The following KIN variants were observed in gnomAD, a reference collection of about 807,000 sequenced individuals.
KIN encodes the protein Kin17 DNA and RNA binding protein.
In KIN, 47 loss-of-function variants were observed where a neutral mutation model predicts 63.0. That is an observed-to-expected ratio of 0.75 (90% confidence interval 0.59 to 0.95). KIN has a LOEUF of 0.95. Among genes scored for constraint, KIN ranks in the 40% least tolerant of loss-of-function variants. The probability of loss-of-function intolerance (pLI) is 0.00; values close to 1 mark genes in which losing one functional copy is unlikely to be tolerated. For missense variants in KIN, 408 were observed against 460.9 expected, an observed-to-expected ratio of 0.89 and a Z score of 1.05; for synonymous variants, 160 against 157.7, an observed-to-expected ratio of 1.01 and a Z score of -0.11.
intron 7 of KIN, among the ~76,000 whole-genome samples, chr10:7,769,938 T>A (rs1835632591): frequency 6.6e-6 from 1 of 152,162 alleles, no homozygotes; most frequent in Non-Finnish European, 1.5e-5. Context: ...ACAGTGTAAA[T>A]CCTTTTTTTT....
chr10:7,784,662 T>C (rs1835963491), intron 1 of KIN, among the ~76,000 whole-genome samples: 1 of 152,074 alleles, frequency 6.6e-6, no homozygotes, highest in Admixed American at 6.6e-5. Context: ...TACAAAAGCA[T>C]GGCAGCCAAT....
At chr10:7,766,727 C>A (rs189050087) in intron 8 of KIN, among the ~76,000 whole-genome samples, 4 of 152,190 alleles carry the variant, frequency 2.6e-5, no homozygotes, top group African/African-American at 9.6e-5. Context: ...TTGGTTGATT[C>A]GAAACCTAAT....
At chr10:7,776,399 G>A (rs964009213) in intron 5 of KIN, among the ~76,000 whole-genome samples, 6 of 149,050 alleles carry the variant, frequency 4.0e-5, no homozygotes, top group South Asian at 4.3e-4. Context: ...AAATTTAGCC[G>A]GGTGTGATGG....
rs1450536869 is a variant in KIN at position 7,763,772 on chromosome 10, A to C, written c.869T>G (p.Ile290Arg). The change falls in exon 10 of 13, where the codon ATA (isoleucine) becomes AGA (arginine). Residue 290 changes from isoleucine (I) to arginine (R), a missense_variant. Physicochemically the swap from Ile to Arg is moderately conservative, Grantham distance 97. Around this residue, in one of 2 missense-constraint regions of KIN, gnomAD observed 298 missense variants for 296.0 expected, o/e 1.01. Coordinates refer to ENST00000379562, the MANE Select transcript of KIN (RefSeq NM_012311.4). ...ATATTTCTCTCCCAGTTTCTTGGTTATAATTTTCACAATAATTTCCTAGAA... is the reference window on the plus strand; with the variant it reads ...ATATTTCTCTCCCAGTTTCTTGGTTCTAATTTTCACAATAATTTCCTAGAA... ...WLQPEIIVKIITKKLGEKYHK... is the reference protein window; with the variant it reads ...WLQPEIIVKIRTKKLGEKYHK... 1 of 1,410,252 alleles carries C rather than the reference A, an allele frequency of 7.1e-7. No individual in the cohort carries two copies. Among genetic ancestry groups the C allele is most frequent in the South Asian group, 1.2e-5 (1 of 81,254 alleles). 87.4% of individuals were successfully genotyped at this position (1,410,252 alleles called of 1,614,324 possible).
chr10:7,776,339 G>A (rs929875494), intron 5 of KIN, among the ~76,000 whole-genome samples: 17 of 148,706 alleles, frequency 1.1e-4, no homozygotes, highest in Non-Finnish European at 1.6e-4. Flanking sequence ...TCAGGCATTC[G>A]AGATGAGCCT....
rs111726843 is a variant in KIN at position 7,778,741 on chromosome 10, A to AAACAACAAC, written c.558+88_558+96dup. On this transcript the variant is annotated intron_variant, in intron 5 of 12. Coordinates refer to ENST00000379562, the MANE Select transcript of KIN (RefSeq NM_012311.4). ...GCGGCAGAGCAAGACTCCATCTCCA[A>AAACAACAAC]AACAACAACAACAACAAAAACAAAA... The AAACAACAAC allele has an allele frequency of 1.2e-4, 142 of 1,221,768 alleles. 1 individual carries two copies. The highest frequency in any genetic ancestry group is 6.6e-4 in the Admixed American group (31 of 46,750). 75.7% of individuals were successfully genotyped at this position (1,221,768 alleles called of 1,614,324 possible).
intron 4 of KIN, among the ~76,000 whole-genome samples, chr10:7,779,656 A>C (rs11255361): frequency 0.33 from 49,736 of 152,128 alleles, 9,056 homozygotes; most frequent in Non-Finnish European, 0.41. Flanking sequence ...ACATTGTATT[A>C]AATATTATAA....
In KIN at chr10:7,752,860, C is replaced by T. The variant is rs567264748; in HGVS notation, c.*3220G>A. 1.3e-5 allele frequency: 2 copies of T among 152,242 alleles called. No individual in the cohort carries two copies. Among genetic ancestry groups the T allele is most frequent in the African/African-American group, 4.8e-5 (2 of 41,524 alleles). The allele number at this position is 152,242 out of a possible 1,614,324, so 9.4% of individuals were successfully genotyped here. ...CCCTGTGTGACTCCAACTATATGAC[C>T]TTCGATGGAGACAAAACTAGGGAGA... On this transcript the variant is annotated 3_prime_UTR_variant, in exon 13 of 13. Transcript: ENST00000379562.
chr10:7,783,102 T>G lies in KIN; in HGVS notation c.188A>C (p.Gln63Pro). Residue 63 changes from glutamine to proline, a missense_variant, in exon 2 of 13, where the codon CAG becomes CCG. Gln to Pro is a moderately conservative substitution (Grantham distance 76). This residue lies in a region of KIN where 110 missense variants were observed against 164.9 expected (regional missense o/e 0.67). Coordinates refer to ENST00000379562, the MANE Select transcript of KIN (RefSeq NM_012311.4). ...QLLLASENPQ[Q>P]FMDYFSEEFR... ...TTACTCTGAAAAATAATCCATAAAC[T>G]GCTGAGGATTTTCTGAAGCCAGCAA... 1 of 1,600,652 alleles carries G rather than the reference T, an allele frequency of 6.2e-7. No homozygotes were observed. The highest frequency in any genetic ancestry group is 1.1e-5 in the South Asian group (1 of 89,222).
At chr10:7,762,147 A>G (rs1564315349) in intron 11 of KIN, among the ~76,000 whole-genome samples, 1 of 152,126 alleles carries the variant, frequency 6.6e-6, no homozygotes, top group Non-Finnish European at 1.5e-5. Flanking sequence ...ATTTCAGATG[A>G]GAGATTCTCA....
chr10:7,757,645 A>AT (rs1835357842), intron 12 of KIN, among the ~76,000 whole-genome samples: 2 of 152,140 alleles, frequency 1.3e-5, no homozygotes, highest in South Asian at 4.1e-4. Flanking sequence ...TAGAACTGAG[A>AT]TTTTAACATT....
Position 7,778,696 on chromosome 10 carries a change from G to C in KIN, c.558+142C>G, listed in dbSNP as rs571733199. ...AGAGGTTGCAGTGAGCTGAGATTGCGCTACTGCACTCCAGCCTGGGCGGCA... is the reference window on the plus strand; with the variant it reads ...AGAGGTTGCAGTGAGCTGAGATTGCCCTACTGCACTCCAGCCTGGGCGGCA... On this transcript the variant is annotated intron_variant, in intron 5 of 12. Transcript: ENST00000379562. 4 of 812,002 alleles carry C rather than the reference G, an allele frequency of 4.9e-6. No individual in the cohort carries two copies. The East Asian group carries it at 1.0e-4, about 20-fold the overall frequency. The allele number at this position is 812,002 out of a possible 1,614,324, so 50.3% of individuals were successfully genotyped here. A position where few individuals can be genotyped will look rare whatever the true frequency, so the allele number is the denominator to read the frequency against.
intron 10 of KIN, 84 bp downstream of exon 10, chr10:7,763,639 T>C (rs1835481750): frequency 5.2e-6 from 4 of 762,522 alleles, no homozygotes; most frequent in Non-Finnish European, 2.3e-6. Context: ...CTACTAGGAC[T>C]TGATTTTCAA....
intron 8 of KIN, among the ~76,000 whole-genome samples, chr10:7,768,924 G>C (rs924365363): frequency 6.6e-6 from 1 of 152,122 alleles, no homozygotes; most frequent in African/African-American, 2.4e-5. Flanking sequence ...GGCTGAGCCA[G>C]GAGAATCATT....
chr10:7,776,742 AAAAAAG>A (rs1404159500), intron 5 of KIN, among the ~76,000 whole-genome samples: 1 of 144,846 alleles, frequency 6.9e-6, no homozygotes, highest in Admixed American at 7.0e-5. Context: ...CAAAAAAAAA[AAAAAAG>A]AAAAGAAATT....
chr10:7,780,424 C>A, intron 2 of KIN, 117 bp from the exon 3 acceptor site: 2 of 786,772 alleles, frequency 2.5e-6, no homozygotes, highest in South Asian at 3.7e-5. Context: ...GACAGAGTCT[C>A]GTTCTCGTCA....
chr10:7,779,883 T>C (rs1835861993), intron 4 of KIN, among the ~76,000 whole-genome samples, 173 bp downstream of exon 4: 1 of 152,228 alleles, frequency 6.6e-6, no homozygotes, highest in Non-Finnish European at 1.5e-5. Context: ...CCAACAGTTA[T>C]ATGATGTTCT....
At chr10:7,783,025 A>G in intron 2 of KIN, 56 bp downstream of exon 2, 1 of 822,686 alleles carries the variant, frequency 1.2e-6, no homozygotes, top group Non-Finnish European at 1.9e-6. Context: ...TTAACCATCT[A>G]TTAAATGTTC....
chr10:7,768,736 G>A (rs529967097), intron 8 of KIN, among the ~76,000 whole-genome samples: 1 of 152,094 alleles, frequency 6.6e-6, no homozygotes, highest in African/African-American at 2.4e-5. Flanking sequence ...AACCTATTTA[G>A]GTGGGGCATG....
Sources: allele counts gnomAD v4.1 joint callset (sites outside exome capture counted in the v4.1 genomes callset), GRCh38; gene constraint gnomAD v4.1.1; regional missense constraint gnomAD v4.1.1; transcripts MANE v1.5; gene names NCBI Gene and HGNC (gene_info 2026-07-23, HGNC 2026-07-21).